The following DPYD variants were observed in gnomAD, a reference collection of about 807,000 sequenced individuals.
DPYD encodes dihydropyrimidine dehydrogenase, also known as dihydropyrimidine dehydrogenase [NADP(+)].
A neutral mutation model predicts 116.2 loss-of-function variants in DPYD; 109 were observed. The observed-to-expected ratio is 0.94, with a 90% CI of 0.80 to 1.10. The LOEUF is 1.10. DPYD is among the 50% of genes least tolerant of loss of function. The probability of loss-of-function intolerance (pLI) is 0.00; values close to 1 mark genes in which losing one functional copy is unlikely to be tolerated. For synonymous variants in DPYD, 440 were observed against 432.0 expected, an observed-to-expected ratio of 1.02 and a Z score of -0.23; for missense variants, 1,302 against 1,254.5, an observed-to-expected ratio of 1.04 and a Z score of -0.57.
intron 8 of DPYD, among the ~76,000 whole-genome samples, chr1:97,654,772 C>T (rs1025218935): frequency 4.6e-5 from 7 of 151,916 alleles, no homozygotes; most frequent in Non-Finnish European, 8.8e-5. Context: ...TTCATGCTGC[C>T]GATAAACATA....
At chr1:97,795,336 A>G (rs1667511351) in intron 3 of DPYD, among the ~76,000 whole-genome samples, 1 of 152,070 alleles carries the variant, frequency 6.6e-6, no homozygotes. Flanking sequence ...AAATTATTTT[A>G]TTCTATCATG....
intron 16 of DPYD, among the ~76,000 whole-genome samples, chr1:97,317,301 C>A (rs897995395): frequency 1.3e-5 from 2 of 151,844 alleles, no homozygotes; most frequent in Admixed American, 6.6e-5. Flanking sequence ...TTCCTGATAC[C>A]ACCAGTAGGT....
intron 11 of DPYD, among the ~76,000 whole-genome samples, chr1:97,567,216 T>G (rs1161374799): frequency 6.6e-6 from 1 of 152,118 alleles, no homozygotes; most frequent in Non-Finnish European, 1.5e-5. Context: ...GAATCAAAGC[T>G]ACACTCAAAG....
At chr1:97,738,148 T>G (rs1009169347) in intron 4 of DPYD, among the ~76,000 whole-genome samples, 14 of 152,184 alleles carry the variant, frequency 9.2e-5, no homozygotes, top group African/African-American at 3.4e-4. Flanking sequence ...AAACAGCCAT[T>G]TATTTCACTA....
chr1:97,135,508 T>A (rs2101681463), intron 20 of DPYD, among the ~76,000 whole-genome samples: 1 of 152,294 alleles, frequency 6.6e-6, no homozygotes, highest in African/African-American at 2.4e-5. Context: ...CTTCTTGCTT[T>A]CTAAATAATT....
intron 2 of DPYD, among the ~76,000 whole-genome samples, chr1:97,864,818 C>T (rs189502702): frequency 8.6e-5 from 13 of 151,944 alleles, no homozygotes; most frequent in Admixed American, 2.0e-4. Flanking sequence ...GCAGTTTCAC[C>T]GGTGCAGAGG....
At chr1:97,337,934 G>A (rs1232784039) in intron 16 of DPYD, among the ~76,000 whole-genome samples, 2 of 152,134 alleles carry the variant, frequency 1.3e-5, no homozygotes, top group Middle Eastern at 3.2e-3. Context: ...GAAGTGAGTT[G>A]CCACTAAATC....
chr1:97,794,678 C>T (rs1443827165), intron 3 of DPYD, among the ~76,000 whole-genome samples: 1 of 152,116 alleles, frequency 6.6e-6, no homozygotes, highest in African/African-American at 2.4e-5. Context: ...TCAGGCTTCT[C>T]TTCTGTAAAG....
At chr1:97,329,591 T>TA (rs1430928761) in intron 16 of DPYD, among the ~76,000 whole-genome samples, 5 of 150,368 alleles carry the variant, frequency 3.3e-5, no homozygotes, top group South Asian at 2.1e-4. Flanking sequence ...TACTAAAAAT[T>TA]AAAAAAACAA....
At chr1:97,170,957 G>A (rs1656681742) in intron 20 of DPYD, among the ~76,000 whole-genome samples, 1 of 152,094 alleles carries the variant, frequency 6.6e-6, no homozygotes, top group African/African-American at 2.4e-5. Flanking sequence ...ACAGGCATGA[G>A]CCACCGTGCA....
intron 14 of DPYD, among the ~76,000 whole-genome samples, chr1:97,427,110 A>C (rs1352223337): frequency 6.6e-6 from 1 of 152,110 alleles, no homozygotes; most frequent in Non-Finnish European, 1.5e-5. Context: ...AAGAAAATTC[A>C]TATCTACAAC....
At chr1:97,670,948 T>C (rs935001787) in intron 8 of DPYD, among the ~76,000 whole-genome samples, 29 of 152,010 alleles carry the variant, frequency 1.9e-4, no homozygotes, top group Non-Finnish European at 4.4e-5. Flanking sequence ...CCATGAAACA[T>C]ATATAGAAAA....
chr1:97,712,612 T>G (rs1190265446), intron 5 of DPYD, among the ~76,000 whole-genome samples: 2 of 152,084 alleles, frequency 1.3e-5, no homozygotes. Flanking sequence ...TGAGTGAATT[T>G]TATTCTCTTT....
intron 3 of DPYD, among the ~76,000 whole-genome samples, chr1:97,757,357 T>C (rs1486985548): frequency 1.3e-5 from 2 of 151,966 alleles, no homozygotes; most frequent in Non-Finnish European, 2.9e-5. Context: ...GCAGAAGAGA[T>C]GTGCAAATAC....
intron 13 of DPYD, among the ~76,000 whole-genome samples, chr1:97,505,890 C>T (rs1252464546): frequency 2.0e-5 from 3 of 151,808 alleles, no homozygotes; most frequent in African/African-American, 7.3e-5. Flanking sequence ...ATGAGGAAAG[C>T]AGGGCAGGAT....
At chr1:97,192,689 C>T (rs1658457208) in intron 20 of DPYD, among the ~76,000 whole-genome samples, 2 of 152,192 alleles carry the variant, frequency 1.3e-5, no homozygotes, top group South Asian at 2.1e-4. Context: ...TTATATTATT[C>T]AAGACTACAG....
chr1:97,717,230 T>C (rs1332952309), intron 5 of DPYD, among the ~76,000 whole-genome samples: 2 of 152,100 alleles, frequency 1.3e-5, no homozygotes, highest in Non-Finnish European at 2.9e-5. Context: ...GCAAATAGTA[T>C]ATGCTGATAC....
intron 19 of DPYD, among the ~76,000 whole-genome samples, chr1:97,201,104 T>C (rs1372807994): frequency 6.6e-6 from 1 of 152,156 alleles, no homozygotes. Flanking sequence ...GAGATGAAAG[T>C]CTTACATATA....
chr1:97,738,251 T>C (rs759037906), intron 4 of DPYD, among the ~76,000 whole-genome samples: 36 of 152,136 alleles, frequency 2.4e-4, no homozygotes, highest in Non-Finnish European at 1.0e-4. Flanking sequence ...CACTGTTTGA[T>C]GAATCTGAAA....
Sources: gnomAD v4.1 joint callset for allele counts (sites outside exome capture counted in the v4.1 genomes callset) on GRCh38, gnomAD v4.1.1 for gene constraint, MANE v1.5 for transcripts, NCBI Gene and HGNC (gene_info 2026-07-23, HGNC 2026-07-21) for gene names.